Variants in BNC2 observed in about 807,000 individuals in gnomAD.
BNC2 encodes the protein basonuclin zinc finger protein 2, also known as zinc finger protein basonuclin-2.
In BNC2, 20 loss-of-function variants were observed where a neutral mutation model predicts 76.3. The observed-to-expected ratio is 0.26, with a 90% CI of 0.18 to 0.38. The LOEUF (loss-of-function observed/expected upper bound fraction) is 0.38. Among genes scored for constraint, BNC2 ranks in the 10% least tolerant of loss-of-function variants. The pLI, the probability that BNC2 is intolerant of heterozygous loss-of-function variation, is 1.00. For missense variants in BNC2, 1,382 were observed against 1,399.8 expected, an observed-to-expected ratio of 0.99 and a Z score of 0.20; for synonymous variants, 582 against 514.8, an observed-to-expected ratio of 1.13 and a Z score of -1.77.
chr9:16,419,668 A>AG lies in BNC2; in HGVS notation c.2640-20dup, dbSNP rs144257997. On this transcript the variant is annotated intron_variant, in intron 6 of 6. Transcript: ENST00000380672. Reference sequence around the variant, plus strand: ...ACTGTGTCTAGGAAAACAAGAGGGAAGGGGGGGTACGTGGATGGGGGGTGG... The same window carrying AG: ...ACTGTGTCTAGGAAAACAAGAGGGAAGGGGGGGGTACGTGGATGGGGGGTGG... 16,614 of 578,216 alleles carry AG rather than the reference A, an allele frequency of 0.029. 539 individuals carry two copies. Among genetic ancestry groups the AG allele is most frequent in the African/African-American group, 0.17 (7,293 of 43,924 alleles). The allele number at this position is 578,216 out of a possible 1,614,324, so 35.8% of individuals were successfully genotyped here.
intron 3 of BNC2, among the ~76,000 whole-genome samples, chr9:16,714,764 C>T (rs972150032): frequency 5.3e-5 from 8 of 152,220 alleles, no homozygotes; most frequent in African/African-American, 1.2e-4. Flanking sequence ...CCTTTTCCCA[C>T]GAAAATCAAT....
At chr9:16,582,697 T>G (rs1179469593) in intron 4 of BNC2, among the ~76,000 whole-genome samples, 1 of 152,186 alleles carries the variant, frequency 6.6e-6, no homozygotes, top group African/African-American at 2.4e-5. Flanking sequence ...GCCTGGTGCT[T>G]GCTGGCTGCG....
At chr9:16,842,219 G>T (rs1818849055) in intron 1 of BNC2, among the ~76,000 whole-genome samples, 1 of 152,066 alleles carries the variant, frequency 6.6e-6, no homozygotes, top group Non-Finnish European at 1.5e-5. Context: ...GCAAACTGTT[G>T]ACCTACCAAA....
At chr9:16,588,347 C>T (rs888072855) in intron 3 of BNC2, among the ~76,000 whole-genome samples, 3 of 152,152 alleles carry the variant, frequency 2.0e-5, no homozygotes, top group African/African-American at 7.2e-5. Flanking sequence ...CATATTTAGT[C>T]TTAATAAATA....
intron 3 of BNC2, among the ~76,000 whole-genome samples, chr9:16,625,253 C>A (rs1239985108): frequency 3.9e-5 from 6 of 152,154 alleles, no homozygotes; most frequent in Non-Finnish European, 8.8e-5. Context: ...TTAAACCAGA[C>A]CCGATCGGGA....
At chr9:16,776,964 A>AC (rs1825985149) in intron 1 of BNC2, among the ~76,000 whole-genome samples, 1 of 151,926 alleles carries the variant, frequency 6.6e-6, no homozygotes, top group African/African-American at 2.4e-5. Flanking sequence ...CATCTCTACT[A>AC]AAAAAACAAA....
intron 1 of BNC2, among the ~76,000 whole-genome samples, chr9:16,767,061 C>T (rs754041355): frequency 6.6e-6 from 1 of 152,220 alleles, no homozygotes; most frequent in Non-Finnish European, 1.5e-5. Context: ...GCATAGTCTA[C>T]CTAAGCATCT....
chr9:16,820,945 A>G (rs556716668), intron 1 of BNC2, among the ~76,000 whole-genome samples: 1 of 152,280 alleles, frequency 6.6e-6, no homozygotes, highest in South Asian at 2.1e-4. Context: ...GTGTAATCCC[A>G]GAACTTTGGG....
chr9:16,777,633 G>A (rs1482665538), intron 1 of BNC2, among the ~76,000 whole-genome samples: 3 of 150,342 alleles, frequency 2.0e-5, no homozygotes, highest in South Asian at 2.1e-4. Context: ...CCCGGGAGGC[G>A]GAGCTTGCAG....
intron 1 of BNC2, among the ~76,000 whole-genome samples, chr9:16,786,237 A>G (rs1826289813): frequency 6.6e-6 from 1 of 152,174 alleles, no homozygotes; most frequent in Non-Finnish European, 1.5e-5. Flanking sequence ...TCTCTTAACT[A>G]AACAAGGAGT....
rs1482667238 is a variant in BNC2, at chr9:16,415,238, CT to C, written c.*3750del. The C allele has an allele frequency of 1.3e-5, 2 of 152,578 alleles. No homozygotes were observed. The highest frequency in any genetic ancestry group is 4.8e-5 in the African/African-American group (2 of 41,472). 9.5% of individuals were successfully genotyped at this position (152,578 alleles called of 1,614,324 possible). ...AAGAATGCCAAGGATTTTTATCACA[CT>C]TTTAAACCAAATTCCTCATTATCTA... On this transcript the variant is annotated 3_prime_UTR_variant, in exon 7 of 7. Transcript: ENST00000380672.
chr9:16,682,665 T>G (rs1273406934), intron 3 of BNC2, among the ~76,000 whole-genome samples: 1 of 152,230 alleles, frequency 6.6e-6, no homozygotes, highest in Non-Finnish European at 1.5e-5. Flanking sequence ...GAAAGGAGCC[T>G]GTGGTTTATA....
rs200810383 is a variant in BNC2 at position 16,436,096 on chromosome 9, T to G, written c.2098A>C (p.Ile700Leu). The G allele has an allele frequency of 1.2e-6, 2 of 1,614,062 alleles. No homozygotes were observed. The highest frequency in any genetic ancestry group is 1.7e-5 in the Admixed American group (1 of 59,990). ...DFSKHNRTRCISRTEIRRADS... is the reference protein window; with the variant it reads ...DFSKHNRTRCLSRTEIRRADS... ...GCCCTCCTTATTTCAGTCCTTGAAA[T>G]GCACCGGGTCCTGTTATGCTTAGAA... is the stretch of plus-strand genomic sequence containing the variant. The change falls in exon 6 of 7, where the codon ATT (isoleucine) becomes CTT (leucine). Residue 700 changes from isoleucine (I) to leucine (L), a missense_variant. Ile to Leu is a conservative substitution (Grantham distance 5). Coordinates refer to ENST00000380672, the MANE Select transcript of BNC2 (RefSeq NM_017637.6).
chr9:16,708,260 T>G (rs1047816802), intron 3 of BNC2, among the ~76,000 whole-genome samples: 1 of 152,200 alleles, frequency 6.6e-6, no homozygotes, highest in African/African-American at 2.4e-5. Context: ...CTTTACTGTG[T>G]TAAATGGCAT....
In BNC2 at chr9:16,418,135, G is replaced by A. The variant is rs1186881286; in HGVS notation, c.*854C>T. The A allele has an allele frequency of 6.6e-6, 1 of 152,572 alleles. No individual in the cohort carries two copies. The highest frequency in any genetic ancestry group is 1.5e-5 in the Non-Finnish European group (1 of 68,026). 9.5% of individuals were successfully genotyped at this position (152,572 alleles called of 1,614,324 possible). A position where few individuals can be genotyped will look rare whatever the true frequency, so the allele number is the denominator to read the frequency against. On this transcript the variant is annotated 3_prime_UTR_variant, in exon 7 of 7. Coordinates refer to ENST00000380672, the MANE Select transcript of BNC2 (RefSeq NM_017637.6). ...TAGTTTAAGGATAAAAAAGAAGCATGGTTATTACACATCCCCTTGTAGTGT... is the reference window on the plus strand; with the variant it reads ...TAGTTTAAGGATAAAAAAGAAGCATAGTTATTACACATCCCCTTGTAGTGT...
chr9:16,580,613 G>A (rs538938278), intron 4 of BNC2, among the ~76,000 whole-genome samples: 111 of 152,222 alleles, frequency 7.3e-4, no homozygotes, highest in African/African-American at 2.5e-3. Flanking sequence ...CATTACTAAT[G>A]TAATATGCAC....
intron 1 of BNC2, among the ~76,000 whole-genome samples, chr9:16,751,110 G>A (rs961163188): frequency 2.0e-4 from 31 of 151,406 alleles, no homozygotes; most frequent in Non-Finnish European, 3.5e-4. Context: ...TTCCAAATTG[G>A]TATCATTTAA....
At chr9:16,703,029 T>A (rs370913983) in intron 3 of BNC2, among the ~76,000 whole-genome samples, 1 of 152,202 alleles carries the variant, frequency 6.6e-6, no homozygotes, top group Non-Finnish European at 1.5e-5. Context: ...AAAATTTTAC[T>A]TTTATGCGGA....
At chr9:16,805,931 G>C (rs1465509498) in intron 1 of BNC2, among the ~76,000 whole-genome samples, 2 of 152,122 alleles carry the variant, frequency 1.3e-5, no homozygotes, top group Non-Finnish European at 2.9e-5. Flanking sequence ...TAGTGTAACA[G>C]TATATTTTGA....
Sources: gnomAD v4.1 joint callset for allele counts (sites outside exome capture counted in the v4.1 genomes callset) on GRCh38, gnomAD v4.1.1 for gene constraint, MANE v1.5 for transcripts, NCBI Gene and HGNC (gene_info 2026-07-23, HGNC 2026-07-21) for gene names.